Variants in ANK2 observed in about 807,000 individuals in gnomAD.
ANK2 encodes the protein ankyrin-2.
Under a neutral mutation model 360.5 loss-of-function variants are expected in ANK2, and 83 were observed. That is an observed-to-expected ratio of 0.23 (90% CI 0.19 to 0.28). The LOEUF (loss-of-function observed/expected upper bound fraction) is 0.28, where lower values mean the gene tolerates loss of function less well. Among genes scored for constraint, ANK2 ranks in the 10% least tolerant of loss-of-function variants. The probability of loss-of-function intolerance (pLI) is 1.00; values close to 1 mark genes in which losing one functional copy is unlikely to be tolerated. For synonymous variants in ANK2, 1,740 were observed against 1,759.5 expected, an observed-to-expected ratio of 0.99 and a Z score of 0.28; for missense variants, 4,201 against 4,795.7, an observed-to-expected ratio of 0.88 and a Z score of 3.66.
At chr4:113,165,492 A>AT (rs2097719354) in intron 1 of ANK2, among the ~76,000 whole-genome samples, 1 of 152,102 alleles carries the variant, frequency 6.6e-6, no homozygotes, top group African/African-American at 2.4e-5. Context: ...TTTCCTTTAC[A>AT]TTGTCAGCAT....
At chr4:112,819,928 C>A (rs1202828749) in intron 1 of ANK2, among the ~76,000 whole-genome samples, 1 of 152,188 alleles carries the variant, frequency 6.6e-6, no homozygotes, top group Non-Finnish European at 1.5e-5. Context: ...ACCACACCCC[C>A]TTTTTTGGCC....
chr4:112,851,785 G>A (rs544202042), intron 1 of ANK2, among the ~76,000 whole-genome samples: 1 of 152,116 alleles, frequency 6.6e-6, no homozygotes, highest in African/African-American at 2.4e-5. Flanking sequence ...CACCACACCT[G>A]GCTAATTTTT....
intron 1 of ANK2, among the ~76,000 whole-genome samples, chr4:113,124,677 T>C (rs950981671): frequency 1.3e-5 from 2 of 152,226 alleles, no homozygotes; most frequent in Admixed American, 1.3e-4. Context: ...TTTACTTCAT[T>C]AGCAACTTTG....
intron 2 of ANK2, among the ~76,000 whole-genome samples, chr4:112,924,856 T>G (rs2092301300): frequency 7.2e-6 from 1 of 138,912 alleles, no homozygotes; most frequent in Admixed American, 7.0e-5. Flanking sequence ...TTTTTTTTTT[T>G]GAGACACAGT....
intron 4 of ANK2, among the ~76,000 whole-genome samples, chr4:113,224,862 A>G (rs776678969): frequency 4.7e-5 from 7 of 148,402 alleles, no homozygotes; most frequent in Non-Finnish European, 8.9e-5. Flanking sequence ...AGTTCTGGCT[A>G]AGAGATCTTT....
chr4:112,889,491 C>T (rs1321872980), intron 1 of ANK2, among the ~76,000 whole-genome samples: 1 of 152,006 alleles, frequency 6.6e-6, no homozygotes, highest in Non-Finnish European at 1.5e-5. Flanking sequence ...ACATTTTCTC[C>T]ACTTTATTTT....
At chr4:112,820,514 A>C (rs374555487) in intron 1 of ANK2, among the ~76,000 whole-genome samples, 1 of 152,228 alleles carries the variant, frequency 6.6e-6, no homozygotes, top group Admixed American at 6.5e-5. Context: ...TTTTTTATTT[A>C]AAATGCTGTG....
chr4:113,097,116 T>TTTTTTTTTTTTTG (rs1554118436), intron 1 of ANK2, among the ~76,000 whole-genome samples: 3 of 145,112 alleles, frequency 2.1e-5, no homozygotes, highest in African/African-American at 5.2e-5. Flanking sequence ...TTTATATCAT[T>TTTTTTTTTTTTTG]AGATTTTCTT....
At chr4:112,748,052 T>C in the ANK2 span, among the ~76,000 whole-genome samples, 1 of 152,232 alleles carries the variant, frequency 6.6e-6, no homozygotes, top group African/African-American at 2.4e-5. Context: ...GCTGTTTTCA[T>C]ACATTTTTTG....
At chr4:113,373,686 C>A in intron 45 of ANK2, 1 of 700,778 alleles carries the variant, frequency 1.4e-6, no homozygotes, top group Non-Finnish European at 2.6e-6. Flanking sequence ...TTAAAAATAT[C>A]TATTCTTTAT....
intron 1 of ANK2, among the ~76,000 whole-genome samples, chr4:112,839,678 A>G (rs989734376): frequency 1.3e-5 from 2 of 152,232 alleles, no homozygotes; most frequent in Admixed American, 6.5e-5. Flanking sequence ...GGAAAACATC[A>G]AAGAACAAGG....
rs29340 is a variant in ANK2, at chr4:113,292,620, A to G, written c.2376+106A>G. The G allele has an allele frequency of 0.042, 50,735 of 1,215,710 alleles. 2,200 individuals carry two copies. The highest frequency in any genetic ancestry group is 0.26 in the East Asian group (10,236 of 39,140). 75.3% of individuals were successfully genotyped at this position (1,215,710 alleles called of 1,614,324 possible). Reference sequence around the variant, plus strand: ...GAGGTCAGATTCCTCCTCTTTAAATAAGCCCCCTGGACTCTGGAAAGCCCC... The same window carrying G: ...GAGGTCAGATTCCTCCTCTTTAAATGAGCCCCCTGGACTCTGGAAAGCCCC... On this transcript the variant is annotated intron_variant, in intron 21 of 45. Coordinates refer to ENST00000357077, the MANE Select transcript of ANK2 (RefSeq NM_001148.6).
chr4:113,317,112 C>T (rs2083331581), intron 24 of ANK2, among the ~76,000 whole-genome samples: 1 of 152,190 alleles, frequency 6.6e-6, no homozygotes, highest in African/African-American at 2.4e-5. Flanking sequence ...ACAAGAGGAA[C>T]TCCACTTCCG....
chr4:113,218,938 A>G (rs958175934), intron 4 of ANK2, among the ~76,000 whole-genome samples: 2 of 152,196 alleles, frequency 1.3e-5, no homozygotes, highest in Non-Finnish European at 2.9e-5. Flanking sequence ...ACTTCAGGTT[A>G]ATGGATTTTG....
intron 1 of ANK2, among the ~76,000 whole-genome samples, chr4:113,135,248 A>G (rs1201538515): frequency 6.6e-6 from 1 of 152,216 alleles, no homozygotes; most frequent in African/African-American, 2.4e-5. Context: ...AAAAATAAAG[A>G]AAAACTGTGG....
chr4:113,265,566 A>T (rs1473758935), intron 14 of ANK2, among the ~76,000 whole-genome samples: 2 of 152,162 alleles, frequency 1.3e-5, no homozygotes, highest in South Asian at 2.1e-4. Flanking sequence ...GGCACTGAAG[A>T]TTGCTTGATC....
At chr4:113,151,020 T>A in intron 1 of ANK2, 3 of 1,223,852 alleles carry the variant, frequency 2.5e-6, no homozygotes, top group Non-Finnish European at 2.1e-6. Flanking sequence ...AATGAATGAA[T>A]TAATGACTAG....
the ANK2 span, among the ~76,000 whole-genome samples, chr4:112,712,628 C>T: frequency 1.0e-2 from 1,499 of 150,410 alleles, 29 homozygotes; most frequent in African/African-American, 0.034. Context: ...AGGATGGTCT[C>T]GATCTTCTGA....
chr4:112,728,292 C>CAAAAAAAAA, the ANK2 span, among the ~76,000 whole-genome samples: 12 of 40,128 alleles, frequency 3.0e-4, no homozygotes, highest in Non-Finnish European at 3.9e-4. Context: ...GACTCTGTCT[C>CAAAAAAAAA]AAAAAAAAAA....
Sources: gnomAD v4.1 joint callset for allele counts (sites outside exome capture counted in the v4.1 genomes callset) on GRCh38, gnomAD v4.1.1 for gene constraint, MANE v1.5 for transcripts, NCBI Gene and HGNC (gene_info 2026-07-23, HGNC 2026-07-21) for gene names.